Variants in FBXO40 observed in about 807,000 individuals in gnomAD.
FBXO40 encodes the protein F-box protein 40.
Under a neutral mutation model 49.9 loss-of-function variants are expected in FBXO40, and 50 were observed. The observed-to-expected ratio is 1.00, with a 90% confidence interval of 0.80 to 1.27. The LOEUF (loss-of-function observed/expected upper bound fraction) is 1.27, where lower values mean the gene tolerates loss of function less well. FBXO40 is among the 50% of genes most tolerant of loss of function. The pLI, the probability that FBXO40 is intolerant of heterozygous loss-of-function variation, is 0.00. For synonymous variants in FBXO40, 340 were observed against 320.2 expected, an observed-to-expected ratio of 1.06 and a Z score of -0.66; for missense variants, 895 against 870.1, an observed-to-expected ratio of 1.03 and a Z score of -0.36.
In FBXO40 at chr3:121,627,982, C is replaced by A; in HGVS notation, c.*1072C>A. ...AACATAACGGCTCCCTGAAATTGCT[C>A]CTACCCATCCATATTTCTGGTCATG... On this transcript the variant is annotated 3_prime_UTR_variant, in exon 4 of 4. Coordinates refer to ENST00000338040, the MANE Select transcript of FBXO40 (RefSeq NM_016298.4). 1 of 398,570 alleles carries A rather than the reference C, an allele frequency of 2.5e-6. No individual in the cohort carries two copies. Among genetic ancestry groups the A allele is most frequent in the South Asian group, 1.3e-4 (1 of 7,834 alleles). 24.7% of individuals were successfully genotyped at this position (398,570 alleles called of 1,614,324 possible). A position where few individuals can be genotyped will look rare whatever the true frequency, so the allele number is the denominator to read the frequency against.
rs911070633 is a variant in FBXO40 at position 121,624,786 on chromosome 3, G to A, written c.1914+1443G>A. Among the ~76,000 whole-genome samples the A allele has an allele frequency of 3.3e-5, 5 of 151,882 alleles. No homozygotes were observed. In the East Asian group the frequency reaches 7.7e-4, roughly 23 times the overall value. ...CTTCCTTCTTCTCCTTCAGGCCCAGGGCATAACTCTCTAGGTAGCTACTCA... is the reference window on the plus strand; with the variant it reads ...CTTCCTTCTTCTCCTTCAGGCCCAGAGCATAACTCTCTAGGTAGCTACTCA... On this transcript the variant is annotated intron_variant, in intron 3 of 3. Transcript: ENST00000338040.
At chr3:121,617,921 AC>A (rs751766687) in intron 1 of FBXO40, among the ~76,000 whole-genome samples, 1 of 151,932 alleles carries the variant, frequency 6.6e-6, no homozygotes, top group Non-Finnish European at 1.5e-5. Context: ...AATCGCTTGA[AC>A]CCAGGAGGTG....
At chr3:121,615,594 AAG>A (rs1361085526) in intron 1 of FBXO40, among the ~76,000 whole-genome samples, 1 of 151,924 alleles carries the variant, frequency 6.6e-6, no homozygotes, top group Non-Finnish European at 1.5e-5. Flanking sequence ...AGAAGAAAGA[AAG>A]AAACTATAAG....
At chr3:121,611,220 G>T (rs1409407537) in intron 1 of FBXO40, among the ~76,000 whole-genome samples, 1 of 152,136 alleles carries the variant, frequency 6.6e-6, no homozygotes, top group Non-Finnish European at 1.5e-5. Flanking sequence ...TGGGCCCAGG[G>T]GACCAGCGCT....
intron 1 of FBXO40, among the ~76,000 whole-genome samples, chr3:121,607,858 G>A (rs560558747): frequency 6.6e-6 from 1 of 152,230 alleles, no homozygotes; most frequent in African/African-American, 2.4e-5. Flanking sequence ...TTAGTGTCTT[G>A]AAAAATTTTC....
chr3:121,617,065 G>C (rs1387418368), intron 1 of FBXO40, among the ~76,000 whole-genome samples: 1 of 152,156 alleles, frequency 6.6e-6, no homozygotes, highest in African/African-American at 2.4e-5. Flanking sequence ...GATATGAACA[G>C]ACAGAGAAAA....
At chr3:121,620,710 G>C in intron 2 of FBXO40, 132 bp downstream of exon 2, 1 of 1,105,296 alleles carries the variant, frequency 9.0e-7, no homozygotes, top group Non-Finnish European at 1.3e-6. Flanking sequence ...TTCCAAACTA[G>C]AGATGCTGAA....
intron 1 of FBXO40, among the ~76,000 whole-genome samples, chr3:121,596,099 A>T (rs11719547): frequency 6.6e-6 from 1 of 152,006 alleles, no homozygotes. Context: ...TGCTTGAGTC[A>T]GTGATTTAAA....
intron 1 of FBXO40, among the ~76,000 whole-genome samples, chr3:121,601,134 G>C (rs1277082858): frequency 6.6e-6 from 1 of 152,122 alleles, no homozygotes; most frequent in Non-Finnish European, 1.5e-5. Flanking sequence ...AGGACAAATT[G>C]GTCATCACAC....
intron 1 of FBXO40, among the ~76,000 whole-genome samples, chr3:121,601,836 C>T (rs2108844757): frequency 6.6e-6 from 1 of 152,238 alleles, no homozygotes; most frequent in East Asian, 1.9e-4. Context: ...ATTATCCAGA[C>T]TTTGTCATCA....
At position 121,630,278 on chromosome 3, in the gene FBXO40, C is replaced by T. The variant is rs1194249525; in HGVS notation, c.*3368C>T. The T allele has an allele frequency of 6.6e-6, 1 of 152,274 alleles. No homozygotes were observed. Among genetic ancestry groups the T allele is most frequent in the Admixed American group, 6.5e-5 (1 of 15,298 alleles). 9.4% of individuals were successfully genotyped at this position (152,274 alleles called of 1,614,324 possible). A position where few individuals can be genotyped will look rare whatever the true frequency, so the allele number is the denominator to read the frequency against. ...ACATCTCTAGAAGAGGAAATAAAAG[C>T]TGCTTTGCACTCTGAAAGGCTAATT... On this transcript the variant is annotated 3_prime_UTR_variant, in exon 4 of 4. Transcript: ENST00000338040.
Position 121,623,075 on chromosome 3 carries a change from T to C in FBXO40, c.1646T>C (p.Val549Ala), listed in dbSNP as rs2049043313. ...ELKTFAIKPE[V>A]APELSEGRKN... ...AAGACCTTTGCCATTAAGCCGGAGGTTGCTCCAGAGCTGAGCGAGGGAAGG... is the reference window on the plus strand; with the variant it reads ...AAGACCTTTGCCATTAAGCCGGAGGCTGCTCCAGAGCTGAGCGAGGGAAGG... Residue 549 changes from valine to alanine, a missense_variant, in exon 3 of 4, where the codon GTT becomes GCT. Physicochemically the swap from Val to Ala is moderately conservative, Grantham distance 64. Coordinates refer to ENST00000338040, the MANE Select transcript of FBXO40 (RefSeq NM_016298.4). 2 of 1,614,114 alleles carry C rather than the reference T, an allele frequency of 1.2e-6. No individual in the cohort carries two copies. Among genetic ancestry groups the C allele is most frequent in the Non-Finnish European group, 8.5e-7 (1 of 1,180,012 alleles).
chr3:121,621,688 G>A lies in FBXO40; in HGVS notation c.259G>A (p.Val87Met). 6.2e-7 allele frequency: 1 copy of A among 1,614,202 alleles called. No individual in the cohort carries two copies. Among genetic ancestry groups the A allele is most frequent in the Admixed American group, 1.7e-5 (1 of 60,030 alleles). The part of the protein sequence containing the change: ...SRHKLAKHLQ[V>M]CPASVVCCSM... ...CCACAAACTGGCCAAGCACCTGCAG[G>A]TGTGCCCCGCCAGCGTGGTCTGCTG... Residue 87 changes from valine (V) to methionine (M), a missense_variant, in exon 3 of 4, where the codon GTG becomes ATG. Physicochemically the swap from Val to Met is conservative, Grantham distance 21. Transcript: ENST00000338040.
rs978270127 is a variant in FBXO40 at position 121,626,929 on chromosome 3, A to T, written c.*19A>T. The T allele has an allele frequency of 6.2e-7, 1 of 1,609,610 alleles. No individual in the cohort carries two copies. The highest frequency in any genetic ancestry group is 1.3e-5 in the African/African-American group (1 of 74,920). On this transcript the variant is annotated 3_prime_UTR_variant, in exon 4 of 4. Coordinates refer to ENST00000338040, the MANE Select transcript of FBXO40 (RefSeq NM_016298.4). ...CTCCTAAAAATTCAGATGCCACTCG[A>T]TGCACCCTTCTTGGATTTCTTCTCG...
At chr3:121,623,952 T>C (rs982672849) in intron 3 of FBXO40, among the ~76,000 whole-genome samples, 1 of 144,724 alleles carries the variant, frequency 6.9e-6, no homozygotes, top group African/African-American at 2.6e-5. Flanking sequence ...CCTCCCAAAG[T>C]GCTGGGATTA....
chr3:121,608,731 G>T (rs1465631491), intron 1 of FBXO40, among the ~76,000 whole-genome samples: 4 of 152,194 alleles, frequency 2.6e-5, no homozygotes, highest in Non-Finnish European at 5.9e-5. Context: ...TCTACCAGAA[G>T]AGCAGTAGCT....
Position 121,623,088 on chromosome 3 carries a change from G to A in FBXO40, c.1659G>A (p.Leu553=), listed in dbSNP as rs750940331. The change falls in exon 3 of 4, where the codon CTG becomes CTA. Residue 553 remains leucine, a synonymous_variant. Coordinates refer to ENST00000338040, the MANE Select transcript of FBXO40 (RefSeq NM_016298.4). The part of the protein sequence containing the change: ...FAIKPEVAPE[L]SEGRKNNHLL... ...TTAAGCCGGAGGTTGCTCCAGAGCTGAGCGAGGGAAGGAAGAACAACCATC... is the reference window on the plus strand; with the variant it reads ...TTAAGCCGGAGGTTGCTCCAGAGCTAAGCGAGGGAAGGAAGAACAACCATC... The A allele has an allele frequency of 1.2e-6, 2 of 1,614,236 alleles. No individual in the cohort carries two copies. Among genetic ancestry groups the A allele is most frequent in the Non-Finnish European group, 1.7e-6 (2 of 1,180,048 alleles).
Position 121,605,762 on chromosome 3 carries a change from A to G in FBXO40, c.-31+12260A>G, listed in dbSNP as rs144400337. ...ATTGTTATTAATTGGCCATTGGGTT[A>G]CATTGTTCCAAGTCAGGCCAGACAT... On this transcript the variant is annotated intron_variant, in intron 1 of 3. Transcript: ENST00000338040. Among the ~76,000 whole-genome samples, 5 of 152,302 alleles carry G rather than the reference A, an allele frequency of 3.3e-5. No individual in the cohort carries two copies. The East Asian group carries it at 7.7e-4, about 23-fold the overall frequency.
chr3:121,600,338 T>C (rs1363369529), intron 1 of FBXO40, among the ~76,000 whole-genome samples: 1 of 151,998 alleles, frequency 6.6e-6, no homozygotes, highest in Non-Finnish European at 1.5e-5. Flanking sequence ...AGCACCTGAC[T>C]TATGTAGTGC....
Sources: allele counts gnomAD v4.1 joint callset (sites outside exome capture counted in the v4.1 genomes callset), GRCh38; gene constraint gnomAD v4.1.1; transcripts MANE v1.5; gene names NCBI Gene and HGNC (gene_info 2026-07-23, HGNC 2026-07-21).